FGGY: variants seen among roughly 807,000 people sequenced by gnomAD.
The protein encoded by FGGY is FGGY carbohydrate kinase domain-containing protein.
Under a neutral mutation model 71.3 loss-of-function variants are expected in FGGY, and 72 were observed. The observed-to-expected ratio is 1.01, with a 90% CI of 0.84 to 1.23. The LOEUF is 1.23. FGGY is among the 50% of genes most tolerant of loss of function. The pLI, the probability that FGGY is intolerant of heterozygous loss-of-function variation, is 0.00. For synonymous variants in FGGY, 251 were observed against 250.3 expected, an observed-to-expected ratio of 1.00 and a Z score of -0.02; for missense variants, 668 against 682.3, an observed-to-expected ratio of 0.98 and a Z score of 0.23.
chr1:59,615,753 A>G (rs2096745630), intron 9 of FGGY, among the ~76,000 whole-genome samples: 1 of 152,230 alleles, frequency 6.6e-6, no homozygotes, highest in Non-Finnish European at 1.5e-5. Context: ...CTCATCTGAC[A>G]AAGGGCTAAT....
intron 9 of FGGY, among the ~76,000 whole-genome samples, chr1:59,614,116 G>A (rs181999814): frequency 1.2e-3 from 180 of 152,264 alleles, no homozygotes; most frequent in African/African-American, 4.2e-3. Flanking sequence ...CCAATCAATA[G>A]GAAAAGAGGG....
At position 59,332,654 on chromosome 1, in the gene FGGY, C is replaced by T. The variant is rs1032639687; in HGVS notation, c.202-7304C>T. ...GAGGTCTCTGTTTGAAAGATAGAGACGCTGAGTCTTTGTGACTGAAGGCCA... is the reference window on the plus strand; with the variant it reads ...GAGGTCTCTGTTTGAAAGATAGAGATGCTGAGTCTTTGTGACTGAAGGCCA... On this transcript the variant is annotated intron_variant, in intron 2 of 15. Transcript: ENST00000303721. 8.5e-5 allele frequency among the ~76,000 whole-genome samples: 13 copies of T among 152,128 alleles called. No homozygotes were observed. In the South Asian group the frequency reaches 1.4e-3, roughly 17 times the overall value.
chr1:59,712,567 A>G (rs1229742285), intron 14 of FGGY, among the ~76,000 whole-genome samples: 2 of 152,162 alleles, frequency 1.3e-5, no homozygotes, highest in African/African-American at 4.8e-5. Context: ...TTTTCCATAC[A>G]TCTTCTGAAA....
intron 9 of FGGY, among the ~76,000 whole-genome samples, chr1:59,611,387 A>G (rs1261349224): frequency 6.6e-6 from 1 of 152,202 alleles, no homozygotes; most frequent in Non-Finnish European, 1.5e-5. Flanking sequence ...GGTGATACTC[A>G]GGGTCTAGAG....
rs114647030 is a variant in FGGY, at chr1:59,634,030, C to T, written c.1074-4198C>T. Among the ~76,000 whole-genome samples, 739 of 152,220 alleles carry T rather than the reference C, an allele frequency of 4.9e-3. 3 individuals are homozygous for T. Among genetic ancestry groups the T allele is most frequent in the Non-Finnish European group, 8.9e-3 (608 of 68,016 alleles). ...GCCCAAAATGATTCATCGGCATTAA[C>T]AACAAAGAGGGTATTGTTCCTCATG... On this transcript the variant is annotated intron_variant, in intron 10 of 15. Transcript: ENST00000303721.
At chr1:59,585,317 C>G (rs1432665608) in intron 8 of FGGY, among the ~76,000 whole-genome samples, 1 of 152,196 alleles carries the variant, frequency 6.6e-6, no homozygotes. Flanking sequence ...GGTACCAAAA[C>G]AGAGATGCAG....
intron 5 of FGGY, among the ~76,000 whole-genome samples, chr1:59,420,467 G>T (rs574723727): frequency 6.6e-6 from 1 of 152,314 alleles, no homozygotes; most frequent in African/African-American, 2.4e-5. Context: ...AAAGGCAGAG[G>T]CTGTATTTGT....
At chr1:59,437,898 G>A (rs948149340) in intron 5 of FGGY, among the ~76,000 whole-genome samples, 1 of 152,136 alleles carries the variant, frequency 6.6e-6, no homozygotes, top group Non-Finnish European at 1.5e-5. Context: ...GACCAGTCAG[G>A]GAGAGATACT....
chr1:59,598,149 T>C (rs368880884), intron 8 of FGGY, among the ~76,000 whole-genome samples: 1 of 152,240 alleles, frequency 6.6e-6, no homozygotes, highest in Non-Finnish European at 1.5e-5. Context: ...ATGCATGATA[T>C]AATTTTATAT....
chr1:59,347,560 C>T (rs1570753689), intron 4 of FGGY, among the ~76,000 whole-genome samples: 1 of 152,216 alleles, frequency 6.6e-6, no homozygotes, highest in East Asian at 1.9e-4. Flanking sequence ...AATAAACATA[C>T]ATGTGCATGT....
chr1:59,495,345 A>G (rs1331489235), intron 6 of FGGY, among the ~76,000 whole-genome samples: 1 of 152,078 alleles, frequency 6.6e-6, no homozygotes, highest in East Asian at 1.9e-4. Context: ...ATTAGGCCCC[A>G]TTTGTCAATT....
intron 7 of FGGY, among the ~76,000 whole-genome samples, chr1:59,538,801 C>T (rs905762651): frequency 3.7e-5 from 5 of 136,736 alleles, no homozygotes; most frequent in Admixed American, 8.5e-5. Context: ...ACAATGAGAA[C>T]ACATGGACAC....
At chr1:59,535,767 A>T (rs1012256689) in intron 7 of FGGY, among the ~76,000 whole-genome samples, 1 of 148,884 alleles carries the variant, frequency 6.7e-6, no homozygotes, top group Non-Finnish European at 1.5e-5. Context: ...AGAAATAAAG[A>T]TCTTCTTTGA....
chr1:59,625,895 G>A (rs1456389606), intron 9 of FGGY, 93 bp from the exon 10 acceptor site: 2 of 941,532 alleles, frequency 2.1e-6, no homozygotes, highest in Admixed American at 3.2e-5. Flanking sequence ...ACAAAGAGTT[G>A]AAAGAAACAT....
chr1:59,693,626 AGTG>A (rs1202788805), intron 14 of FGGY, among the ~76,000 whole-genome samples: 3 of 152,048 alleles, frequency 2.0e-5, no homozygotes, highest in African/African-American at 7.2e-5. Flanking sequence ...TGGTAATGGT[AGTG>A]GTGGTGGAGA....
At chr1:59,372,129 T>A (rs1170660296) in intron 4 of FGGY, among the ~76,000 whole-genome samples, 1 of 152,060 alleles carries the variant, frequency 6.6e-6, no homozygotes, top group Non-Finnish European at 1.5e-5. Flanking sequence ...CAGGAGCTGG[T>A]TTTTTGAAAG....
chr1:59,674,018 G>C, intron 13 of FGGY, 21 bp from the exon 14 acceptor site: 1 of 1,609,324 alleles, frequency 6.2e-7, no homozygotes, highest in East Asian at 2.2e-5. Flanking sequence ...CCTAACCAAG[G>C]TGTGGCCTTG....
intron 5 of FGGY, among the ~76,000 whole-genome samples, chr1:59,406,618 G>A (rs184569996): frequency 3.9e-5 from 6 of 152,246 alleles, no homozygotes; most frequent in East Asian, 1.9e-4. Context: ...ACAGGGTTGC[G>A]TATTGATGAG....
chr1:59,658,001 A>G, intron 11 of FGGY, among the ~76,000 whole-genome samples: 1 of 152,182 alleles, frequency 6.6e-6, no homozygotes, highest in African/African-American at 2.4e-5. Flanking sequence ...GGACATAAGG[A>G]GAGAAAGTGG....
Sources: gnomAD v4.1 joint callset for allele counts (sites outside exome capture counted in the v4.1 genomes callset) on GRCh38, gnomAD v4.1.1 for gene constraint, MANE v1.5 for transcripts, NCBI Gene and HGNC (gene_info 2026-07-23, HGNC 2026-07-21) for gene names.